C1orf105: variants seen among roughly 807,000 people sequenced by gnomAD.
C1orf105 encodes chromosome 1 open reading frame 105, also known as uncharacterized protein C1orf105.
C1orf105 carries 17 observed loss-of-function variants against 20.8 expected under a neutral mutation model. That is an observed-to-expected ratio of 0.82 (90% confidence interval 0.56 to 1.23). The LOEUF is 1.23. Ranked by LOEUF, C1orf105 falls within the 50% of genes most tolerant of loss-of-function variation. The probability of loss-of-function intolerance (pLI) is 0.00; values close to 1 mark genes in which losing one functional copy is unlikely to be tolerated. For synonymous variants in C1orf105, 72 were observed against 72.1 expected, an observed-to-expected ratio of 1.00 and a Z score of 0.01; for missense variants, 219 against 213.5, an observed-to-expected ratio of 1.03 and a Z score of -0.16.
chr1:172,449,147 C>T (rs957075108), intron 3 of C1orf105, among the ~76,000 whole-genome samples: 3 of 152,154 alleles, frequency 2.0e-5, no homozygotes, highest in East Asian at 1.9e-4. Flanking sequence ...GCACTCGACA[C>T]GGTGCCCCAC....
chr1:172,445,191 A>G (rs1167583718), intron 2 of C1orf105, 33 bp downstream of exon 2: 8 of 1,511,468 alleles, frequency 5.3e-6, no homozygotes, highest in South Asian at 1.2e-5. Context: ...CAAAAGTTTT[A>G]CGAAACATCT....
intron 5 of C1orf105, among the ~76,000 whole-genome samples, chr1:172,465,050 G>A (rs1356817865): frequency 3.3e-5 from 5 of 152,046 alleles, no homozygotes; most frequent in Non-Finnish European, 5.9e-5. Context: ...AGGTGTGGTG[G>A]TGTGTGCCTG....
chr1:172,444,398 C>A, intron 1 of C1orf105: 1 of 659,920 alleles, frequency 1.5e-6, no homozygotes, highest in Non-Finnish European at 1.9e-6. Flanking sequence ...CCCGTGCATC[C>A]ATGCGTTCAT....
At chr1:172,462,067 T>TGA in intron 4 of C1orf105, 111 bp from the exon 5 acceptor site, 2 of 768,240 alleles carry the variant, frequency 2.6e-6, no homozygotes, top group South Asian at 3.2e-5. Flanking sequence ...CAAAAGGATG[T>TGA]ATGAAGGACT....
At chr1:172,426,224 G>T (rs2071718382) in intron 1 of C1orf105, among the ~76,000 whole-genome samples, 1 of 152,160 alleles carries the variant, frequency 6.6e-6, no homozygotes, top group African/African-American at 2.4e-5. Flanking sequence ...TCCAAAGGTG[G>T]CAGCTTGTCT....
At chr1:172,449,960 C>G (rs1231096713) in intron 3 of C1orf105, among the ~76,000 whole-genome samples, 3 of 152,234 alleles carry the variant, frequency 2.0e-5, no homozygotes, top group Non-Finnish European at 4.4e-5. Context: ...AACCTGGGCA[C>G]TAGGACACCA....
intron 6 of C1orf105, among the ~76,000 whole-genome samples, chr1:172,468,058 G>T (rs1196243988): frequency 6.6e-6 from 1 of 151,940 alleles, no homozygotes; most frequent in Non-Finnish European, 1.5e-5. Flanking sequence ...TCCCTGAAAA[G>T]TCTCCTGAGA....
chr1:172,441,775 C>A, intron 1 of C1orf105: 1 of 1,593,428 alleles, frequency 6.3e-7, no homozygotes, highest in African/African-American at 1.3e-5. Context: ...AGCTTCATCC[C>A]AAGGCCCATG....
At chr1:172,429,955 C>G (rs2071824841) in intron 1 of C1orf105, among the ~76,000 whole-genome samples, 6 of 152,222 alleles carry the variant, frequency 3.9e-5, no homozygotes, top group Admixed American at 3.9e-4. Context: ...CTTGATCTCA[C>G]TTGCCACACC....
At chr1:172,431,674 T>C (rs939125318) in intron 1 of C1orf105, among the ~76,000 whole-genome samples, 1 of 152,248 alleles carries the variant, frequency 6.6e-6, no homozygotes, top group African/African-American at 2.4e-5. Context: ...GCGTGATCGA[T>C]GCAGAAGACA....
intron 4 of C1orf105, among the ~76,000 whole-genome samples, chr1:172,460,724 C>G (rs116798326): frequency 6.6e-5 from 10 of 152,002 alleles, no homozygotes; most frequent in Non-Finnish European, 1.3e-4. Context: ...ATAATGACAA[C>G]AGAATGTAAT....
At chr1:172,458,032 C>A (rs1178750286) in intron 4 of C1orf105, among the ~76,000 whole-genome samples, 1 of 152,100 alleles carries the variant, frequency 6.6e-6, no homozygotes, top group East Asian at 1.9e-4. Context: ...AATAGAAATA[C>A]TGGGGAATAT....
intron 3 of C1orf105, among the ~76,000 whole-genome samples, chr1:172,449,358 G>A (rs1282275797): frequency 1.3e-5 from 2 of 152,156 alleles, no homozygotes; most frequent in African/African-American, 4.8e-5. Flanking sequence ...ACTTGTGAGA[G>A]AAGGTGGGAG....
At chr1:172,452,801 G>A (rs1418247258) in intron 3 of C1orf105, 4 of 1,380,410 alleles carry the variant, frequency 2.9e-6, no homozygotes, top group South Asian at 1.6e-5. Context: ...CTGCTATCCA[G>A]AGGACAGCTG....
chr1:172,449,660 A>T (rs1648392625), intron 3 of C1orf105, among the ~76,000 whole-genome samples: 1 of 152,132 alleles, frequency 6.6e-6, no homozygotes, highest in Non-Finnish European at 1.5e-5. Flanking sequence ...AGCAGAGAGG[A>T]CACATTGAAG....
chr1:172,450,495 A>G (rs1474083501), intron 3 of C1orf105, among the ~76,000 whole-genome samples: 1 of 152,234 alleles, frequency 6.6e-6, no homozygotes, highest in Non-Finnish European at 1.5e-5. Flanking sequence ...TCCCTTCTGG[A>G]AAGAAACTGT....
chr1:172,434,553 A>C (rs553680832), intron 1 of C1orf105, among the ~76,000 whole-genome samples: 3 of 152,364 alleles, frequency 2.0e-5, no homozygotes, highest in African/African-American at 7.2e-5. Context: ...CTTTGAAACC[A>C]ATGAGAACAA....
chr1:172,438,527 G>A (rs2072115258), intron 1 of C1orf105, among the ~76,000 whole-genome samples: 1 of 152,188 alleles, frequency 6.6e-6, no homozygotes, highest in Non-Finnish European at 1.5e-5. Flanking sequence ...TAGAACTGAA[G>A]AGATAAGAAA....
At chr1:172,458,078 C>A (rs1649429666) in intron 4 of C1orf105, among the ~76,000 whole-genome samples, 1 of 152,176 alleles carries the variant, frequency 6.6e-6, no homozygotes, top group Admixed American at 6.5e-5. Context: ...GGAACTTCCT[C>A]AACCTAATAA....
Sources: allele counts gnomAD v4.1 joint callset (sites outside exome capture counted in the v4.1 genomes callset), GRCh38; gene constraint gnomAD v4.1.1; transcripts MANE v1.5; gene names NCBI Gene and HGNC (gene_info 2026-07-23, HGNC 2026-07-21).